Variants in AANAT observed in about 807,000 individuals in gnomAD.
AANAT encodes aralkylamine N-acetyltransferase.
In AANAT, 11 loss-of-function variants were observed where a neutral mutation model predicts 15.6. That is an observed-to-expected ratio of 0.71 (90% confidence interval 0.44 to 1.17). The LOEUF is 1.17. Ranked by LOEUF, AANAT falls within the 50% of genes most tolerant of loss-of-function variation. The pLI, the probability that AANAT is intolerant of heterozygous loss-of-function variation, is 0.00. For missense variants in AANAT, 286 were observed against 296.3 expected (o/e 0.97, Z 0.26); for synonymous variants, 139 against 131.5 (o/e 1.06, Z -0.39).
intron 1 of AANAT, among the ~76,000 whole-genome samples, chr17:76,458,638 G>A (rs1264180684): frequency 6.6e-6 from 1 of 152,150 alleles, no homozygotes; most frequent in Non-Finnish European, 1.5e-5. Context: ...GCCAGCAGCA[G>A]AGTGAACTGG....
chr17:76,458,891 G>A (rs538876946), intron 1 of AANAT, among the ~76,000 whole-genome samples: 1 of 152,356 alleles, frequency 6.6e-6, no homozygotes, highest in Non-Finnish European at 1.5e-5. Flanking sequence ...TGGGAGGTGA[G>A]CTGCCTTGGG....
exon 2 of AANAT, chr17:76,459,282 C>T (rs2073365859): frequency 6.6e-6 from 1 of 152,282 alleles, no homozygotes; most frequent in Admixed American, 6.5e-5. Flanking sequence ...GCTGGACCAG[C>T]TTCAAGAACA....
rs146436077 is a variant in AANAT at position 76,457,609 on chromosome 17, G to A, written c.-575-1638G>A. Among the ~76,000 whole-genome samples, 175 of 152,282 alleles carry A rather than the reference G, an allele frequency of 1.1e-3. 1 individual carries two copies. The highest frequency in any genetic ancestry group is 4.0e-3 in the African/African-American group (165 of 41,534). On this transcript the variant is annotated intron_variant, in intron 1 of 6. Transcript: ENST00000250615. ...TTATCAGGATACTGCCAGGTTGGAG[G>A]TAAGACTCCTTGATTTTACATGCTG...
Position 76,469,585 on chromosome 17 carries a change from C to G in AANAT, c.319-80C>G. 1.4e-6 allele frequency: 2 copies of G among 1,404,472 alleles called. No homozygotes were observed. Among genetic ancestry groups the G allele is most frequent in the Non-Finnish European group, 1.9e-6 (2 of 1,072,248 alleles). The allele number at this position is 1,404,472 out of a possible 1,614,324, so 87.0% of individuals were successfully genotyped here. A position where few individuals can be genotyped will look rare whatever the true frequency, so the allele number is the denominator to read the frequency against. ...ACCACAGGCACCCAGGGGACACCTG[C>G]TCCCTGCCTGGGTTGGTGGTTGGGG... On this transcript the variant is annotated intron_variant, in intron 3 of 3. Transcript: ENST00000392492. This position sits in a 1 kb window ranked among gnomAD's most constrained non-coding sequence, Gnocchi z 5.2.
chr17:76,463,918 A>T (rs2073413335), upstream of AANAT, among the ~76,000 whole-genome samples: 1 of 152,164 alleles, frequency 6.6e-6, no homozygotes, highest in Admixed American at 6.5e-5. Context: ...ACATCTGATT[A>T]GGAGTGGGAT....
upstream of AANAT, chr17:76,467,591 A>T (rs1325138346): frequency 9.1e-6 from 9 of 985,512 alleles, no homozygotes; most frequent in African/African-American, 1.6e-4. Context: ...ACAGCACCAC[A>T]GGCTGCCCGG....
intron 1 of AANAT, among the ~76,000 whole-genome samples, chr17:76,455,164 G>A (rs1294959288): frequency 1.3e-5 from 2 of 151,752 alleles, no homozygotes; most frequent in Non-Finnish European, 2.9e-5. Flanking sequence ...AGTGGCTCAC[G>A]CCTGAAATCC....
chr17:76,467,857 A>G (rs1183357015), intron 1 of AANAT, 130 bp downstream of exon 1: 14 of 522,456 alleles, frequency 2.7e-5, no homozygotes, highest in African/African-American at 4.2e-5. Flanking sequence ...GGAGGGAGGG[A>G]TGGCCTCCTC....
At chr17:76,463,034 A>C (rs1474281906), upstream of AANAT, among the ~76,000 whole-genome samples, 1 of 152,140 alleles carries the variant, frequency 6.6e-6, no homozygotes, top group Non-Finnish European at 1.5e-5. Flanking sequence ...CCATGCGGGA[A>C]GCTCCCAGAT....
At chr17:76,454,893 G>A (rs1375459277) in intron 1 of AANAT, among the ~76,000 whole-genome samples, 8 of 152,064 alleles carry the variant, frequency 5.3e-5, no homozygotes, top group Non-Finnish European at 2.9e-5. Flanking sequence ...TTGGGAGACC[G>A]AGGCGGGTGG....
At chr17:76,459,166 T>C (rs73996395) in intron 1 of AANAT, 9,410 of 152,336 alleles carry the variant, frequency 0.062, 381 homozygotes, top group South Asian at 0.12. Flanking sequence ...AAACACTTTA[T>C]GCTGGGGCAA....
chr17:76,469,344 G>C lies in AANAT; in HGVS notation c.318+17G>C, dbSNP rs761436653. ...CTCATGCAGGTGAGGACAGGGCTGC[G>C]ACGCCCAGCTCCAGGGAGGCCTCTG... On this transcript the variant is annotated intron_variant, in intron 3 of 3. Transcript: ENST00000392492. This position sits in a 1 kb window ranked among gnomAD's most constrained non-coding sequence, Gnocchi z 5.2. 1.2e-6 allele frequency: 2 copies of C among 1,613,162 alleles called. No individual in the cohort carries two copies. The highest frequency in any genetic ancestry group is 2.2e-5 in the South Asian group (2 of 91,056).
chr17:76,456,069 C>T (rs1307457574), intron 1 of AANAT, among the ~76,000 whole-genome samples: 2 of 152,026 alleles, frequency 1.3e-5, no homozygotes, highest in African/African-American at 2.4e-5. Context: ...CGGTGGCTCA[C>T]GCCTGTAATC....
At chr17:76,458,383 G>C (rs2073358558) in intron 1 of AANAT, among the ~76,000 whole-genome samples, 1 of 152,226 alleles carries the variant, frequency 6.6e-6, no homozygotes, top group African/African-American at 2.4e-5. Context: ...AGCAGGGTAA[G>C]TGTGGATGGA....
chr17:76,466,737 G>A (rs368668277), upstream of AANAT, among the ~76,000 whole-genome samples: 8 of 152,292 alleles, frequency 5.3e-5, no homozygotes, highest in African/African-American at 1.9e-4. Flanking sequence ...TCATTTGGCC[G>A]GGCTTCCGTG....
chr17:76,454,948 G>A (rs1210361822), intron 1 of AANAT, among the ~76,000 whole-genome samples: 3 of 151,268 alleles, frequency 2.0e-5, no homozygotes, highest in African/African-American at 4.9e-5. Flanking sequence ...CCAAGATGGT[G>A]AAACCCTGTC....
At chr17:76,467,844 G>A in intron 1 of AANAT, 117 bp downstream of exon 1, 1 of 648,958 alleles carries the variant, frequency 1.5e-6, no homozygotes, top group Non-Finnish European at 1.9e-6. Context: ...TGTCTTGGAA[G>A]GTGGAGGGAG....
upstream of AANAT, among the ~76,000 whole-genome samples, chr17:76,465,659 AC>A (rs1347398461): frequency 6.6e-6 from 1 of 151,192 alleles, no homozygotes; most frequent in African/African-American, 2.4e-5. Flanking sequence ...TTCTCTCTGT[AC>A]CCATCACCCT....
rs536646057 is a variant in AANAT, at chr17:76,462,485, G to C, written c.-291+5G>C. 12 of 152,314 alleles carry C rather than the reference G, an allele frequency of 7.9e-5. No individual in the cohort carries two copies. In the East Asian group the frequency reaches 2.1e-3, roughly 27 times the overall value. The allele number at this position is 152,314 out of a possible 1,614,324, so 9.4% of individuals were successfully genotyped here. ...AGGTTGATGCAGGACAAAGAGGTGG[G>C]TCCAGAAGGGCTTCCCAAGTCTGAA... On this transcript the variant is annotated splice_donor_5th_base_variant and intron_variant, in intron 3 of 6. Transcript: ENST00000250615.
Sources: allele counts gnomAD v4.1 joint callset (sites outside exome capture counted in the v4.1 genomes callset), GRCh38; gene constraint gnomAD v4.1.1; non-coding constraint Gnocchi (gnomAD v3.1); transcripts MANE v1.5; gene names NCBI Gene and HGNC (gene_info 2026-07-23, HGNC 2026-07-21).